PRICKLE2: variants seen among roughly 807,000 people sequenced by gnomAD.
The protein encoded by PRICKLE2 is prickle planar cell polarity protein 2, also known as prickle-like protein 2.
PRICKLE2 carries 21 observed loss-of-function variants against 81.4 expected under a neutral mutation model. The ratio of observed to expected loss-of-function variants is 0.26; its 90% confidence interval spans 0.18 to 0.37. The LOEUF is 0.37. Among genes scored for constraint, PRICKLE2 ranks in the 10% least tolerant of loss-of-function variants. The probability of loss-of-function intolerance (pLI) is 1.00; values close to 1 mark genes in which losing one functional copy is unlikely to be tolerated. For missense variants in PRICKLE2, 940 were observed against 1,109.0 expected, an observed-to-expected ratio of 0.85 and a Z score of 2.16; for synonymous variants, 456 against 421.5, an observed-to-expected ratio of 1.08 and a Z score of -1.00.
intron 2 of PRICKLE2, among the ~76,000 whole-genome samples, chr3:64,231,878 T>G: frequency 6.6e-6 from 1 of 152,190 alleles, no homozygotes; most frequent in East Asian, 1.9e-4. Context: ...AAGTTTGGTC[T>G]TGGGTCTGAC....
At chr3:64,263,886 A>G (rs1445492226) in intron 2 of PRICKLE2, among the ~76,000 whole-genome samples, 1 of 152,176 alleles carries the variant, frequency 6.6e-6, no homozygotes, top group Non-Finnish European at 1.5e-5. Context: ...CCTCTGCCCC[A>G]TGTGGTCTCC....
At chr3:64,212,101 C>T (rs1364099047) in intron 1 of PRICKLE2, among the ~76,000 whole-genome samples, 1 of 152,178 alleles carries the variant, frequency 6.6e-6, no homozygotes, top group African/African-American at 2.4e-5. Flanking sequence ...AAGAGCTTGG[C>T]CACTGATGGT....
chr3:64,093,977 T>G lies in PRICKLE2; in HGVS notation c.*5074A>C, dbSNP rs2076535399. Reference sequence around the variant, plus strand: ...CTCAAGCAAAGTGTTCAGAACAGTCTCTGGCAGAGCCCACACCAAAGGCCT... The same window carrying G: ...CTCAAGCAAAGTGTTCAGAACAGTCGCTGGCAGAGCCCACACCAAAGGCCT... On this transcript the variant is annotated 3_prime_UTR_variant, in exon 8 of 8. Transcript: ENST00000638394. The G allele has an allele frequency of 1.3e-5, 2 of 152,664 alleles. No individual in the cohort carries two copies. The highest frequency in any genetic ancestry group is 4.8e-5 in the African/African-American group (2 of 41,458). The allele number at this position is 152,664 out of a possible 1,614,324, so 9.5% of individuals were successfully genotyped here.
intron 7 of PRICKLE2, among the ~76,000 whole-genome samples, chr3:64,141,349 A>G (rs1467070863): frequency 6.6e-6 from 1 of 152,206 alleles, no homozygotes; most frequent in African/African-American, 2.4e-5. Context: ...CATCTGTAAA[A>G]TGGGAATAAC....
At chr3:64,131,578 T>C (rs905141898) in intron 7 of PRICKLE2, among the ~76,000 whole-genome samples, 3 of 152,240 alleles carry the variant, frequency 2.0e-5, no homozygotes, top group Admixed American at 1.3e-4. Context: ...TGTATATTAG[T>C]TACTTGGCTA....
At chr3:64,103,376 C>T (rs929373463) in intron 7 of PRICKLE2, 4 of 152,098 alleles carry the variant, frequency 2.6e-5, no homozygotes, top group Admixed American at 6.5e-5. Flanking sequence ...ATAATGAGAA[C>T]GAATAACTAC....
intron 2 of PRICKLE2, among the ~76,000 whole-genome samples, chr3:64,242,284 A>G (rs1318482323): frequency 1.3e-5 from 2 of 152,194 alleles, no homozygotes; most frequent in African/African-American, 4.8e-5. Flanking sequence ...GTCTAGCTAG[A>G]ACCTTGCATT....
chr3:64,125,689 T>C (rs1279815766), intron 7 of PRICKLE2, among the ~76,000 whole-genome samples: 2 of 152,246 alleles, frequency 1.3e-5, no homozygotes, highest in Non-Finnish European at 2.9e-5. Context: ...ATCGCACACT[T>C]AATAGACTAC....
At chr3:64,193,605 T>A (rs1328045703) in intron 2 of PRICKLE2, among the ~76,000 whole-genome samples, 2 of 152,116 alleles carry the variant, frequency 1.3e-5, no homozygotes, top group African/African-American at 4.8e-5. Flanking sequence ...CCTACACACA[T>A]AGAAACTTGA....
chr3:64,158,303 G>A (rs1290357148), intron 4 of PRICKLE2, among the ~76,000 whole-genome samples: 1 of 152,190 alleles, frequency 6.6e-6, no homozygotes, highest in Admixed American at 6.5e-5. Flanking sequence ...CTTAGAAAAT[G>A]AAGTAAAGAC....
intron 1 of PRICKLE2, 28 bp downstream of exon 1, chr3:64,224,882 T>C (rs1480140665): frequency 2.0e-6 from 2 of 982,826 alleles, no homozygotes; most frequent in Non-Finnish European, 2.4e-6. Flanking sequence ...CTGTTTAATT[T>C]GTGAATTAGA....
At chr3:64,165,416 A>G (rs768898630) in intron 2 of PRICKLE2, among the ~76,000 whole-genome samples, 5 of 152,210 alleles carry the variant, frequency 3.3e-5, no homozygotes, top group Non-Finnish European at 7.3e-5. Flanking sequence ...TGTGATGATT[A>G]AATGAGAGTG....
At position 64,153,218 on chromosome 3, in the gene PRICKLE2, A is replaced by T; in HGVS notation, c.751T>A (p.Tyr251Asn). The T allele has an allele frequency of 6.2e-7, 1 of 1,614,220 alleles. No individual in the cohort carries two copies. The highest frequency in any genetic ancestry group is 8.5e-7 in the Non-Finnish European group (1 of 1,180,038). ...GCACAGGTGTCACAATATTCTGCAT[A>T]CAAGGACTCGAAGCAGTGGCAACAG... ...PYCCHCFESL[Y>N]AEYCDTCAQH... Residue 251 changes from tyrosine to asparagine, a missense_variant, in exon 6 of 8, where the codon TAT (tyrosine) becomes AAT (asparagine). Coordinates refer to ENST00000638394, the MANE Select transcript of PRICKLE2 (RefSeq NM_198859.4).
intron 2 of PRICKLE2, among the ~76,000 whole-genome samples, chr3:64,242,136 C>T (rs560204614): frequency 2.0e-5 from 3 of 152,104 alleles, no homozygotes; most frequent in Non-Finnish European, 4.4e-5. Context: ...TTATTTGGAG[C>T]CTTCCACCTT....
chr3:64,183,624 A>G (rs181696257), intron 2 of PRICKLE2, among the ~76,000 whole-genome samples: 7 of 152,314 alleles, frequency 4.6e-5, no homozygotes, highest in Admixed American at 2.6e-4. Context: ...GCTATAGAGT[A>G]TATCACAGCA....
At chr3:64,159,824 G>A (rs2077700650) in intron 4 of PRICKLE2, 116 bp downstream of exon 4, 1 of 1,354,788 alleles carries the variant, frequency 7.4e-7, no homozygotes, top group Non-Finnish European at 1.1e-6. Flanking sequence ...CCCGTCTTTT[G>A]TTCACTACTG....
intron 7 of PRICKLE2, among the ~76,000 whole-genome samples, chr3:64,105,560 C>G (rs981937489): frequency 3.3e-5 from 5 of 152,222 alleles, no homozygotes; most frequent in Admixed American, 6.5e-5. Flanking sequence ...ACCATGATCA[C>G]ACCTGTCAAT....
intron 1 of PRICKLE2, among the ~76,000 whole-genome samples, chr3:64,218,833 C>T (rs2078909894): frequency 6.6e-6 from 1 of 152,110 alleles, no homozygotes; most frequent in African/African-American, 2.4e-5. Flanking sequence ...ATCAGCATCC[C>T]AGGGGAGCTT....
intron 7 of PRICKLE2, among the ~76,000 whole-genome samples, chr3:64,109,142 G>A (rs1002273105): frequency 6.6e-6 from 1 of 152,156 alleles, no homozygotes; most frequent in Non-Finnish European, 1.5e-5. Context: ...CTGCAGACAG[G>A]AGCCTCGTCA....
Sources: gnomAD v4.1 joint callset for allele counts (sites outside exome capture counted in the v4.1 genomes callset) on GRCh38, gnomAD v4.1.1 for gene constraint, MANE v1.5 for transcripts, NCBI Gene and HGNC (gene_info 2026-07-23, HGNC 2026-07-21) for gene names.